The following FMN1 variants were observed in gnomAD, a reference collection of about 807,000 sequenced individuals.
The protein encoded by FMN1 is formin-1.
A neutral mutation model predicts 132.4 loss-of-function variants in FMN1; 110 were observed. The ratio of observed to expected loss-of-function variants is 0.83; its 90% CI spans 0.71 to 0.97. The LOEUF (loss-of-function observed/expected upper bound fraction) is 0.97. FMN1 is among the 50% of genes least tolerant of loss of function. The probability of loss-of-function intolerance (pLI) is 0.00; values close to 1 mark genes in which losing one functional copy is unlikely to be tolerated. For synonymous variants in FMN1, 722 were observed against 651.7 expected, an observed-to-expected ratio of 1.11 and a Z score of -1.64; for missense variants, 1,792 against 1,705.3, an observed-to-expected ratio of 1.05 and a Z score of -0.90.
chr15:32,954,351 G>A (rs913586139), intron 9 of FMN1, among the ~76,000 whole-genome samples: 4 of 152,148 alleles, frequency 2.6e-5, no homozygotes, highest in South Asian at 2.1e-4. Flanking sequence ...GGATCTGAGC[G>A]CTAAGATATT....
intron 19 of FMN1, among the ~76,000 whole-genome samples, chr15:32,778,206 TTA>T (rs530629062): frequency 8.0e-5 from 11 of 138,046 alleles, no homozygotes; most frequent in African/African-American, 3.0e-4. Context: ...ATACATTTAT[TTA>T]TATATTATAT....
At chr15:32,902,176 A>T in intron 12 of FMN1, 136 bp from the exon 13 acceptor site, 4 of 719,936 alleles carry the variant, frequency 5.6e-6, no homozygotes, top group Non-Finnish European at 8.7e-6. Context: ...ACATAGGTAG[A>T]CTCAAGGAAT....
chr15:32,848,135 G>T (rs75351994), intron 17 of FMN1, among the ~76,000 whole-genome samples: 6,186 of 152,024 alleles, frequency 0.041, 423 homozygotes, highest in African/African-American at 0.13. Flanking sequence ...AAAATATGAG[G>T]AACAGGTAAA....
chr15:32,852,034 T>C (rs2141266649), intron 17 of FMN1, among the ~76,000 whole-genome samples: 1 of 152,336 alleles, frequency 6.6e-6, no homozygotes, highest in South Asian at 2.1e-4. Context: ...TGTGCTCAGA[T>C]ACTCTGATAC....
At chr15:33,176,270 G>C (rs1353474061) in intron 3 of FMN1, among the ~76,000 whole-genome samples, 1 of 152,146 alleles carries the variant, frequency 6.6e-6, no homozygotes, top group Non-Finnish European at 1.5e-5. Context: ...CACTTTGGGA[G>C]GCCAAGGCAG....
At chr15:33,102,440 C>A (rs990555673) in intron 4 of FMN1, among the ~76,000 whole-genome samples, 1 of 152,082 alleles carries the variant, frequency 6.6e-6, no homozygotes, top group Non-Finnish European at 1.5e-5. Context: ...TAAATGGAAG[C>A]TAGTGTTCCA....
At chr15:33,065,399 T>C (rs1381815973) in intron 5 of FMN1, among the ~76,000 whole-genome samples, 3 of 152,164 alleles carry the variant, frequency 2.0e-5, no homozygotes, top group African/African-American at 7.2e-5. Flanking sequence ...GACATAAATG[T>C]ACTACACTGA....
intron 4 of FMN1, among the ~76,000 whole-genome samples, chr15:33,116,246 T>C (rs2039920895): frequency 6.8e-6 from 1 of 147,688 alleles, no homozygotes; most frequent in Admixed American, 6.9e-5. Context: ...CATAATGTTC[T>C]ACTTTCCTTT....
chr15:33,138,519 C>G (rs1379944090), intron 4 of FMN1, among the ~76,000 whole-genome samples: 4 of 152,102 alleles, frequency 2.6e-5, no homozygotes, highest in Admixed American at 2.6e-4. Context: ...CTTGTCTAAC[C>G]TCTCAATGTG....
intron 6 of FMN1, among the ~76,000 whole-genome samples, chr15:33,018,182 G>T (rs940426492): frequency 2.6e-5 from 4 of 152,174 alleles, no homozygotes; most frequent in African/African-American, 9.7e-5. Context: ...TTGTGCATGA[G>T]ATTAGTGTGT....
rs77997047 is a variant in FMN1 at position 32,813,215 on chromosome 15, G to C, written c.3929-8883C>G. Among the ~76,000 whole-genome samples the C allele has an allele frequency of 3.9e-3, 591 of 152,262 alleles. 22 individuals carry two copies. In the East Asian group the frequency reaches 0.084, roughly 22 times the overall value. On this transcript the variant is annotated intron_variant, in intron 17 of 20. Transcript: ENST00000616417. ...TCTGTAGAGTTTAATATCCATAAGG[G>C]TCCTGGAACCAATCCTCCACGGATA...
At chr15:32,821,436 T>G (rs1250962358) in intron 17 of FMN1, among the ~76,000 whole-genome samples, 1 of 145,514 alleles carries the variant, frequency 6.9e-6, no homozygotes, top group Admixed American at 7.3e-5. Context: ...TTTTGACTAA[T>G]AAATATTTAA....
intron 16 of FMN1, among the ~76,000 whole-genome samples, chr15:32,861,056 A>T (rs181162543): frequency 6.6e-6 from 1 of 152,234 alleles, no homozygotes; most frequent in Non-Finnish European, 1.5e-5. Flanking sequence ...GTTAAAGAAA[A>T]GCTAGGATTT....
chr15:32,984,676 TTA>T (rs369164539), intron 7 of FMN1, among the ~76,000 whole-genome samples: 28 of 152,256 alleles, frequency 1.8e-4, no homozygotes, highest in Middle Eastern at 3.4e-3. Flanking sequence ...TACGTATGGT[TTA>T]TATGTTTGTT....
rs150323458 is a variant in FMN1 at position 33,071,264 on chromosome 15, A to G, written c.2044-6190T>C. Reference sequence around the variant, plus strand: ...TTTTCTTAGGAAAAAATGGAGAGAGAGGAAAGAAAAATCAAGCAAAAATTC... The same window carrying G: ...TTTTCTTAGGAAAAAATGGAGAGAGGGGAAAGAAAAATCAAGCAAAAATTC... On this transcript the variant is annotated intron_variant, in intron 5 of 20. Coordinates refer to ENST00000616417, the MANE Select transcript of FMN1 (RefSeq NM_001277313.2). 2.3e-3 allele frequency among the ~76,000 whole-genome samples: 356 copies of G among 152,290 alleles called. 2 individuals are homozygous for G. Among genetic ancestry groups the G allele is most frequent in the African/African-American group, 7.6e-3 (317 of 41,550 alleles).
intron 17 of FMN1, among the ~76,000 whole-genome samples, chr15:32,849,302 A>AGTT (rs2058946762): frequency 6.6e-6 from 1 of 151,680 alleles, no homozygotes; most frequent in Non-Finnish European, 1.5e-5. Flanking sequence ...GTCTTAGGTT[A>AGTT]ATTCTTATTT....
chr15:33,085,358 C>A (rs1051511775), intron 5 of FMN1, among the ~76,000 whole-genome samples: 8 of 151,910 alleles, frequency 5.3e-5, no homozygotes, highest in Non-Finnish European at 1.2e-4. Context: ...GGGAGAAGGG[C>A]TTGAGGTGAG....
intron 4 of FMN1, among the ~76,000 whole-genome samples, chr15:33,130,928 G>T (rs1231831423): frequency 6.6e-6 from 1 of 152,048 alleles, no homozygotes. Flanking sequence ...TCAATTCTAG[G>T]CTTCAGTTTC....
chr15:33,165,922 G>GGTT (rs771662231), intron 3 of FMN1, among the ~76,000 whole-genome samples: 2 of 152,050 alleles, frequency 1.3e-5, no homozygotes, highest in Non-Finnish European at 2.9e-5. Context: ...CCTATTTTTT[G>GGTT]GTTGTTGTTG....
Sources: allele counts gnomAD v4.1 joint callset (sites outside exome capture counted in the v4.1 genomes callset), GRCh38; gene constraint gnomAD v4.1.1; transcripts MANE v1.5; gene names NCBI Gene and HGNC (gene_info 2026-07-23, HGNC 2026-07-21).